ANK2: variants seen among roughly 807,000 people sequenced by gnomAD.
The protein encoded by ANK2 is ankyrin-2.
In ANK2, 83 loss-of-function variants were observed where a neutral mutation model predicts 360.5. The ratio of observed to expected loss-of-function variants is 0.23; its 90% confidence interval spans 0.19 to 0.28. The LOEUF (loss-of-function observed/expected upper bound fraction) is 0.28. Ranked by LOEUF, ANK2 falls within the 10% of genes least tolerant of loss-of-function variation. ANK2 has a pLI of 1.00. For missense variants in ANK2, 4,201 were observed against 4,795.7 expected (o/e 0.88, Z 3.66); for synonymous variants, 1,740 against 1,759.5 (o/e 0.99, Z 0.28).
chr4:113,137,746 CAT>C (rs968946027), intron 1 of ANK2, among the ~76,000 whole-genome samples: 2 of 152,078 alleles, frequency 1.3e-5, no homozygotes, highest in Non-Finnish European at 2.9e-5. Flanking sequence ...AGATTAAACA[CAT>C]ATAAACATCA....
intron 9 of ANK2, among the ~76,000 whole-genome samples, chr4:113,247,161 G>GAAA (rs780555782): frequency 0.019 from 2,333 of 121,358 alleles, 64 homozygotes; most frequent in African/African-American, 0.066. Context: ...TGATTCTAGA[G>GAAA]AAAAAAAAAA....
the ANK2 span, among the ~76,000 whole-genome samples, chr4:112,804,315 C>T: frequency 1.3e-5 from 2 of 152,070 alleles, no homozygotes; most frequent in Admixed American, 6.5e-5. Context: ...CCACCGTGCC[C>T]GGCCAATCTC....
intron 2 of ANK2, among the ~76,000 whole-genome samples, chr4:112,972,219 C>CAGAA (rs1268940772): frequency 6.6e-6 from 1 of 152,048 alleles, no homozygotes; most frequent in Non-Finnish European, 1.5e-5. Flanking sequence ...GATACATGTA[C>CAGAA]AGAATGTGCA....
intron 1 of ANK2, among the ~76,000 whole-genome samples, chr4:112,841,470 C>T (rs1005140807): frequency 6.6e-6 from 1 of 152,180 alleles, no homozygotes; most frequent in African/African-American, 2.4e-5. Context: ...AGCTATGTAA[C>T]ATTATTACAT....
chr4:112,876,136 C>T (rs543104727), intron 1 of ANK2, among the ~76,000 whole-genome samples: 61 of 151,814 alleles, frequency 4.0e-4, no homozygotes, highest in Non-Finnish European at 7.1e-4. Context: ...ATAATCAATC[C>T]GTTTTCAATG....
At chr4:112,916,739 C>T (rs2089963089) in intron 2 of ANK2, among the ~76,000 whole-genome samples, 4 of 152,106 alleles carry the variant, frequency 2.6e-5, no homozygotes, top group Admixed American at 2.6e-4. Context: ...ACACATTTGT[C>T]AGATAAATGA....
At chr4:112,994,875 G>A (rs2154280842) in intron 2 of ANK2, among the ~76,000 whole-genome samples, 1 of 152,294 alleles carries the variant, frequency 6.6e-6, no homozygotes, top group African/African-American at 2.4e-5. Context: ...CTGTTTCTGA[G>A]TTAATTTGCT....
chr4:113,360,984 A>G (rs1589102674), intron 39 of ANK2, 87 bp downstream of exon 39: 2 of 1,187,464 alleles, frequency 1.7e-6, no homozygotes, highest in East Asian at 2.5e-5. Context: ...GGTACCCCCC[A>G]CTTTCTTGAG....
At chr4:112,994,400 A>G (rs1038092624) in intron 2 of ANK2, among the ~76,000 whole-genome samples, 17 of 152,242 alleles carry the variant, frequency 1.1e-4, no homozygotes, top group African/African-American at 4.1e-4. Flanking sequence ...AATAGCAAAA[A>G]GAAAAGTAAT....
Position 113,088,680 on chromosome 4 carries a change from C to A in ANK2, c.84+38868C>A, listed in dbSNP as rs557656567. ...CAGAAATCAAATGACTGGAAAGGAA[C>A]TGGAAAGGAAATTAACATTTATCTG... On this transcript the variant is annotated intron_variant, in intron 1 of 45. Transcript: ENST00000357077. Among the ~76,000 whole-genome samples, 6 of 151,960 alleles carry A rather than the reference C, an allele frequency of 3.9e-5. 1 individual carries two copies. In the South Asian group the frequency reaches 8.3e-4, roughly 21 times the overall value.
rs113628963 is a variant in ANK2, at chr4:113,325,218, T to C, written c.2901-5028T>C. On this transcript the variant is annotated intron_variant, in intron 26 of 45. Coordinates refer to ENST00000357077, the MANE Select transcript of ANK2 (RefSeq NM_001148.6). ...AAGTCAATGTTTAGTGCAGTGTGTGTACACATTTTCTGCAAAACAGCTGTT... is the reference window on the plus strand; with the variant it reads ...AAGTCAATGTTTAGTGCAGTGTGTGCACACATTTTCTGCAAAACAGCTGTT... Among the ~76,000 whole-genome samples, 1,115 of 152,308 alleles carry C rather than the reference T, an allele frequency of 7.3e-3. 19 individuals are homozygous for C. Among genetic ancestry groups the C allele is most frequent in the African/African-American group, 0.026 (1,062 of 41,576 alleles).
intron 1 of ANK2, among the ~76,000 whole-genome samples, chr4:113,141,017 A>G (rs558286107): frequency 9.9e-5 from 15 of 152,174 alleles, no homozygotes; most frequent in Admixed American, 8.5e-4. Flanking sequence ...CATTTGAAGG[A>G]AAATAAAACT....
intron 1 of ANK2, among the ~76,000 whole-genome samples, chr4:112,821,793 G>A (rs1415081528): frequency 2.1e-5 from 3 of 144,574 alleles, no homozygotes; most frequent in Admixed American, 7.1e-5. Flanking sequence ...TTTTGAGAAA[G>A]GGTCTGTCTG....
At chr4:113,346,082 G>A (rs1408607019) in intron 35 of ANK2, 60 bp downstream of exon 35, 1 of 1,600,404 alleles carries the variant, frequency 6.2e-7, no homozygotes, top group East Asian at 2.2e-5. Context: ...TTTAAATCTT[G>A]TTTTAGGTCA....
At chr4:112,770,259 C>T in the ANK2 span, among the ~76,000 whole-genome samples, 1 of 152,176 alleles carries the variant, frequency 6.6e-6, no homozygotes, top group Non-Finnish European at 1.5e-5. Flanking sequence ...CAGCCCTGAC[C>T]CACAACTCCG....
chr4:113,040,295 C>T (rs1342772334), intron 2 of ANK2, among the ~76,000 whole-genome samples: 1 of 152,012 alleles, frequency 6.6e-6, no homozygotes. Context: ...TAAAATAAGA[C>T]ATAGTTAATC....
the ANK2 span, among the ~76,000 whole-genome samples, chr4:112,750,555 C>G: frequency 6.6e-6 from 1 of 151,954 alleles, no homozygotes; most frequent in Non-Finnish European, 1.5e-5. Flanking sequence ...GGTCCTGATC[C>G]AGACCCAAGA....
intron 1 of ANK2, chr4:112,882,021 A>G: frequency 2.0e-6 from 1 of 496,226 alleles, no homozygotes. Flanking sequence ...TACTTACCAC[A>G]CAATCTGTGA....
At chr4:112,837,718 G>T (rs1223490959) in intron 1 of ANK2, among the ~76,000 whole-genome samples, 1 of 152,200 alleles carries the variant, frequency 6.6e-6, no homozygotes, top group Non-Finnish European at 1.5e-5. Flanking sequence ...GAGCTTTAAG[G>T]TTTAATGACC....
Sources: allele counts gnomAD v4.1 joint callset (sites outside exome capture counted in the v4.1 genomes callset), GRCh38; gene constraint gnomAD v4.1.1; transcripts MANE v1.5; gene names NCBI Gene and HGNC (gene_info 2026-07-23, HGNC 2026-07-21).